Variants in ARHGAP29 observed in about 807,000 individuals in gnomAD.
ARHGAP29 encodes the protein rho GTPase-activating protein 29.
Under a neutral mutation model 122.6 loss-of-function variants are expected in ARHGAP29, and 43 were observed. The observed-to-expected ratio is 0.35, with a 90% CI of 0.27 to 0.45. The LOEUF is 0.45. Among genes scored for constraint, ARHGAP29 ranks in the 20% least tolerant of loss-of-function variants. The pLI is 1.00. For missense variants in ARHGAP29, 1,303 were observed against 1,477.2 expected (o/e 0.88, Z 1.93); for synonymous variants, 506 against 497.1 (o/e 1.02, Z -0.24).
intron 12 of ARHGAP29, among the ~76,000 whole-genome samples, chr1:94,201,240 C>G (rs904516696): frequency 6.6e-6 from 1 of 152,116 alleles, no homozygotes; most frequent in African/African-American, 2.4e-5. Context: ...AACTCTCAGA[C>G]TTCAATTTTA....
intron 1 of ARHGAP29, among the ~76,000 whole-genome samples, chr1:94,256,825 T>C (rs1215564087): frequency 2.0e-5 from 3 of 151,936 alleles, no homozygotes; most frequent in Non-Finnish European, 4.4e-5. Context: ...CTCAAAGTGC[T>C]GGGATTACAG....
chr1:94,238,211 T>C (rs10874845), upstream of ARHGAP29, among the ~76,000 whole-genome samples: 147,995 of 151,684 alleles, frequency 0.98, 72,325 homozygotes, highest in Middle Eastern at 1. Context: ...TAGGCACCCA[T>C]TACCACGCCA....
At chr1:94,183,246 G>A (rs903661144) in intron 19 of ARHGAP29, among the ~76,000 whole-genome samples, 1 of 152,038 alleles carries the variant, frequency 6.6e-6, no homozygotes, top group Admixed American at 6.5e-5. Context: ...CAACAGAACT[G>A]CAGAGATTGA....
chr1:94,267,850 C>T (rs1654830374), intron 1 of ARHGAP29, among the ~76,000 whole-genome samples: 1 of 152,158 alleles, frequency 6.6e-6, no homozygotes, highest in Non-Finnish European at 1.5e-5. Flanking sequence ...ATAGCCAGTG[C>T]CTCCCAAATA....
chr1:94,308,882 T>C, the ARHGAP29 span, among the ~76,000 whole-genome samples: 1 of 152,166 alleles, frequency 6.6e-6, no homozygotes, highest in Non-Finnish European at 1.5e-5. Context: ...ATGCTGCCCC[T>C]TTCAGTTCCC....
rs17111212 is a variant in ARHGAP29 at position 94,186,972 on chromosome 1, T to A, written c.1682-375A>T. Among the ~76,000 whole-genome samples the A allele has an allele frequency of 4.4e-3, 663 of 152,336 alleles. 1 individual carries two copies. Among genetic ancestry groups the A allele is most frequent in the African/African-American group, 0.015 (627 of 41,586 alleles). ...GGCACAACAGTAAAGTTGTCATTAA[T>A]GTTTGCTGAATTAAGTTATAAATGT... On this transcript the variant is annotated intron_variant, in intron 15 of 22. Coordinates refer to ENST00000260526, the MANE Select transcript of ARHGAP29 (RefSeq NM_004815.4).
chr1:94,232,282 C>T (rs1053010910), intron 1 of ARHGAP29, among the ~76,000 whole-genome samples: 2 of 151,866 alleles, frequency 1.3e-5, no homozygotes, highest in East Asian at 3.9e-4. Context: ...GATTACATGA[C>T]GCGATGATAC....
rs1049800376 is a variant in ARHGAP29, at chr1:94,202,880, T to C, written c.954+38A>G. 2.5e-6 allele frequency: 4 copies of C among 1,569,466 alleles called. No homozygotes were observed. The South Asian group carries it at 4.7e-5, about 19-fold the overall frequency. Reference sequence around the variant, plus strand: ...ATATACTGCAGATTATTTTAAATGTTCACAAATAGGTACATGAAACTCCAT... The same window carrying C: ...ATATACTGCAGATTATTTTAAATGTCCACAAATAGGTACATGAAACTCCAT... On this transcript the variant is annotated intron_variant, in intron 10 of 22. Transcript: ENST00000260526.
chr1:94,184,868 G>A lies in ARHGAP29; in HGVS notation c.2109+4C>T, dbSNP rs1467428091. Reference sequence around the variant, plus strand: ...TTTTTAAAATTTTAAGAGTTATAATGTACCTGTAGACACAAAGCTCTATTT... The same window carrying A: ...TTTTTAAAATTTTAAGAGTTATAATATACCTGTAGACACAAAGCTCTATTT... On this transcript the variant is annotated splice_donor_region_variant and intron_variant, in intron 18 of 22. Coordinates refer to ENST00000260526, the MANE Select transcript of ARHGAP29 (RefSeq NM_004815.4). The A allele has an allele frequency of 1.3e-6, 2 of 1,577,326 alleles. No individual in the cohort carries two copies. Among genetic ancestry groups the A allele is most frequent in the Non-Finnish European group, 8.6e-7 (1 of 1,164,840 alleles).
At chr1:94,174,893 A>AG in intron 22 of ARHGAP29, 144 bp from the exon 23 acceptor site, 2 of 943,660 alleles carry the variant, frequency 2.1e-6, no homozygotes, top group Admixed American at 5.4e-5. Context: ...TATGTGGAGG[A>AG]GTTAAACATT....
the ARHGAP29 span, among the ~76,000 whole-genome samples, chr1:94,313,436 C>A: frequency 2.0e-5 from 3 of 152,196 alleles, no homozygotes; most frequent in African/African-American, 4.8e-5. Context: ...TATCTCCCCC[C>A]ATCTCATGCC....
the ARHGAP29 span, among the ~76,000 whole-genome samples, chr1:94,297,059 G>A: frequency 6.6e-6 from 1 of 152,194 alleles, no homozygotes; most frequent in Admixed American, 6.5e-5. Context: ...TGGAGGAAGA[G>A]GATGCAGTGG....
At chr1:94,240,636 A>C (rs1653538379), upstream of ARHGAP29, among the ~76,000 whole-genome samples, 2 of 152,218 alleles carry the variant, frequency 1.3e-5, no homozygotes, top group African/African-American at 4.8e-5. Context: ...CATTTCTGGA[A>C]GCAACATATA....
chr1:94,222,174 CA>C (rs1250985228), intron 2 of ARHGAP29, among the ~76,000 whole-genome samples: 1 of 152,088 alleles, frequency 6.6e-6, no homozygotes, highest in Non-Finnish European at 1.5e-5. Context: ...TGATTGAATA[CA>C]TTAGTAAACA....
chr1:94,281,170 T>C, the ARHGAP29 span, among the ~76,000 whole-genome samples: 1 of 152,226 alleles, frequency 6.6e-6, no homozygotes, highest in Non-Finnish European at 1.5e-5. Context: ...TATATTGGTG[T>C]ATACATGCAT....
In ARHGAP29 at chr1:94,173,233, T is replaced by A. The variant is rs533259330; in HGVS notation, c.*636A>T. On this transcript the variant is annotated 3_prime_UTR_variant, in exon 23 of 23. Coordinates refer to ENST00000260526, the MANE Select transcript of ARHGAP29 (RefSeq NM_004815.4). ...AGTGCATTTTCTTTGTACAACTGAC[T>A]ATCACATGTAAAAACTGGCAATTAA... 1 of 152,780 alleles carries A rather than the reference T, an allele frequency of 6.5e-6. No individual in the cohort carries two copies. Among genetic ancestry groups the A allele is most frequent in the East Asian group, 1.9e-4 (1 of 5,186 alleles). 9.5% of individuals were successfully genotyped at this position (152,780 alleles called of 1,614,324 possible). A position where few individuals can be genotyped will look rare whatever the true frequency, so the allele number is the denominator to read the frequency against.
chr1:94,307,052 ATT>A, the ARHGAP29 span, among the ~76,000 whole-genome samples: 1 of 152,176 alleles, frequency 6.6e-6, no homozygotes, highest in African/African-American at 2.4e-5. Flanking sequence ...GAAAAACACA[ATT>A]ATTTCTATTC....
At position 94,173,760 on chromosome 1, in the gene ARHGAP29, T is replaced by C. The variant is rs1648896472; in HGVS notation, c.*109A>G. On this transcript the variant is annotated 3_prime_UTR_variant, in exon 23 of 23. Transcript: ENST00000260526. ...CAACAACAAAAGGCAAAACCCATGA[T>C]TTGGCAGTCCTATACAAAAGAGGCC... 1 of 1,352,856 alleles carries C rather than the reference T, an allele frequency of 7.4e-7. No homozygotes were observed. Among genetic ancestry groups the C allele is most frequent in the African/African-American group, 1.5e-5 (1 of 68,550 alleles). The allele number at this position is 1,352,856 out of a possible 1,614,324, so 83.8% of individuals were successfully genotyped here.
chr1:94,262,154 G>A (rs1056093875), intron 1 of ARHGAP29, among the ~76,000 whole-genome samples: 8 of 152,096 alleles, frequency 5.3e-5, no homozygotes, highest in African/African-American at 1.9e-4. Flanking sequence ...CAAGCAATGA[G>A]GAAAGGACTC....
Sources: allele counts gnomAD v4.1 joint callset (sites outside exome capture counted in the v4.1 genomes callset), GRCh38; gene constraint gnomAD v4.1.1; transcripts MANE v1.5; gene names NCBI Gene and HGNC (gene_info 2026-07-23, HGNC 2026-07-21).